The following VGLL4 variants were observed in gnomAD, a reference collection of about 807,000 sequenced individuals.
VGLL4 encodes the protein transcription cofactor vestigial-like protein 4.
VGLL4 carries 7 observed loss-of-function variants against 21.0 expected under a neutral mutation model. The observed-to-expected ratio is 0.33, with a 90% CI of 0.19 to 0.63. The LOEUF is 0.63. VGLL4 is among the 20% of genes least tolerant of loss of function. VGLL4 has a pLI of 0.78. For missense variants in VGLL4, 394 were observed against 425.7 expected (o/e 0.93, Z 0.66); for synonymous variants, 222 against 173.2 (o/e 1.28, Z -2.21).
At chr3:11,713,405 A>T (rs962138604) in intron 1 of VGLL4, among the ~76,000 whole-genome samples, 2 of 151,994 alleles carry the variant, frequency 1.3e-5, no homozygotes, top group Non-Finnish European at 2.9e-5. Flanking sequence ...AATTTGAAGC[A>T]TCAATGCCAG....
chr3:11,671,157 G>T, intron 2 of VGLL4: 2 of 1,311,252 alleles, frequency 1.5e-6, no homozygotes, highest in Non-Finnish European at 2.1e-6. Flanking sequence ...TGAGGCTTTA[G>T]ATAAACATAC....
At chr3:11,646,735 TCCGGGTGGCAA>T (rs1317344887), upstream of VGLL4, among the ~76,000 whole-genome samples, 3 of 152,142 alleles carry the variant, frequency 2.0e-5, no homozygotes, top group Admixed American at 6.5e-5. Context: ...GTTCTCAGCC[TCCGGGTGGCAA>T]CCATTTTCGT....
chr3:11,646,938 C>T (rs188127417), upstream of VGLL4, among the ~76,000 whole-genome samples: 107 of 152,314 alleles, frequency 7.0e-4, no homozygotes, highest in African/African-American at 2.4e-3. Context: ...ACATTTAAAA[C>T]TTTTATAGCA....
At chr3:11,562,099 T>C (rs1289762439) in intron 3 of VGLL4, among the ~76,000 whole-genome samples, 1 of 152,008 alleles carries the variant, frequency 6.6e-6, no homozygotes, top group Non-Finnish European at 1.5e-5. Context: ...GGTTTCACCA[T>C]GTTGGCCAGG....
At chr3:11,612,642 G>A (rs1293035713) in intron 1 of VGLL4, 4 of 152,196 alleles carry the variant, frequency 2.6e-5, no homozygotes, top group Admixed American at 6.5e-5. Flanking sequence ...TAGCCTCAGA[G>A]GCCTCTGAGT....
intron 2 of VGLL4, among the ~76,000 whole-genome samples, chr3:11,677,350 T>C (rs2076306166): frequency 6.6e-6 from 1 of 151,978 alleles, no homozygotes; most frequent in Non-Finnish European, 1.5e-5. Context: ...TGGTTCACCA[T>C]AGCCTCAACC....
chr3:11,564,727 G>T (rs760377292), intron 3 of VGLL4, 70 bp downstream of exon 3: 8 of 1,446,982 alleles, frequency 5.5e-6, no homozygotes, highest in Non-Finnish European at 7.3e-6. Flanking sequence ...TCCTCTGCTC[G>T]GGGCTCTCCA....
intron 1 of VGLL4, chr3:11,633,143 T>C (rs2075516026): frequency 6.6e-6 from 1 of 152,200 alleles, no homozygotes; most frequent in South Asian, 2.1e-4. Flanking sequence ...CTGAGTATCC[T>C]TGGGCTAGTC....
chr3:11,662,641 G>A (rs1020941834), intron 2 of VGLL4, among the ~76,000 whole-genome samples: 7 of 152,342 alleles, frequency 4.6e-5, no homozygotes, highest in Admixed American at 1.3e-4. Context: ...AACTAGGAGT[G>A]CCATGTAATA....
At chr3:11,577,252 T>C (rs2125212312) in intron 2 of VGLL4, among the ~76,000 whole-genome samples, 1 of 152,348 alleles carries the variant, frequency 6.6e-6, no homozygotes, top group Non-Finnish European at 1.5e-5. Flanking sequence ...TTTTGAAGGC[T>C]CACTCTTAGT....
chr3:11,582,706 T>C (rs1314996796), intron 2 of VGLL4, among the ~76,000 whole-genome samples: 3 of 152,184 alleles, frequency 2.0e-5, no homozygotes, highest in African/African-American at 4.8e-5. Flanking sequence ...GAGAGGAAGG[T>C]TGCTGCAGAA....
intron 2 of VGLL4, among the ~76,000 whole-genome samples, chr3:11,590,122 G>A (rs961592538): frequency 2.0e-5 from 3 of 152,186 alleles, no homozygotes; most frequent in African/African-American, 7.2e-5. Flanking sequence ...GAACACTTCC[G>A]TTTCCCTTAG....
intron 2 of VGLL4, among the ~76,000 whole-genome samples, chr3:11,592,334 CTT>C (rs2074519375): frequency 6.6e-6 from 1 of 152,154 alleles, no homozygotes; most frequent in Non-Finnish European, 1.5e-5. Context: ...AAAGAAAACC[CTT>C]GTTTGTTCCT....
At chr3:11,643,931 T>C (rs2075746056), upstream of VGLL4, 1 of 996,408 alleles carries the variant, frequency 1.0e-6, no homozygotes, top group Non-Finnish European at 1.2e-6. Context: ...GCATGACTCC[T>C]ATGCCGCCGC....
chr3:11,714,189 C>T (rs931278008), intron 1 of VGLL4, among the ~76,000 whole-genome samples: 3 of 152,202 alleles, frequency 2.0e-5, no homozygotes, highest in African/African-American at 4.8e-5. Context: ...ACACATTTCA[C>T]GGCCCTATGC....
Position 11,624,371 on chromosome 3 carries a change from A to G in VGLL4, c.82+19066T>C, listed in dbSNP as rs111468161. Among the ~76,000 whole-genome samples the G allele has an allele frequency of 3.0e-3, 459 of 152,280 alleles. 3 individuals are homozygous for G. The highest frequency in any genetic ancestry group is 0.01 in the African/African-American group (416 of 41,546). On this transcript the variant is annotated intron_variant, in intron 1 of 4. Transcript: ENST00000430365. ...GGGAGAACTGATGATGTATCTCAGT[A>G]CTCACATCCACTCAGGAAATGCCTG...
chr3:11,604,885 T>G (rs2074895681), intron 1 of VGLL4, among the ~76,000 whole-genome samples: 1 of 144,354 alleles, frequency 6.9e-6, no homozygotes, highest in Non-Finnish European at 1.5e-5. Flanking sequence ...CAGATGTTAT[T>G]CATCGAAAAA....
At chr3:11,688,298 G>A (rs1322528457) in intron 2 of VGLL4, among the ~76,000 whole-genome samples, 1 of 152,080 alleles carries the variant, frequency 6.6e-6, no homozygotes, top group African/African-American at 2.4e-5. Flanking sequence ...CTCACAGAAA[G>A]AATTACAAAG....
At position 11,568,706 on chromosome 3, in the gene VGLL4, C is replaced by CATG; in HGVS notation, c.273-3688_273-3687insCAT. On this transcript the variant is annotated intron_variant, in intron 2 of 4. Coordinates refer to ENST00000430365, the MANE Select transcript of VGLL4 (RefSeq NM_001128219.3). The surrounding 1 kb of genome is among the most constrained non-coding windows in gnomAD (Gnocchi z 5.9). The stretch of plus-strand genomic sequence containing the variant: ...CACCTCCCGGCCACTGCTTCCCAGG[C>CATG]GTCATGTGCTCCCGGGGACGGCAGA... 6.5e-7 allele frequency: 1 copy of CATG among 1,549,206 alleles called. No individual in the cohort carries two copies. The highest frequency in any genetic ancestry group is 8.7e-7 in the Non-Finnish European group (1 of 1,146,040).
Sources: allele counts gnomAD v4.1 joint callset (sites outside exome capture counted in the v4.1 genomes callset), GRCh38; gene constraint gnomAD v4.1.1; non-coding constraint Gnocchi (gnomAD v3.1); transcripts MANE v1.5; gene names NCBI Gene and HGNC (gene_info 2026-07-23, HGNC 2026-07-21).